The following EBF4 variants were observed in gnomAD, a reference collection of about 807,000 sequenced individuals.
The protein encoded by EBF4 is transcription factor COE4.
A neutral mutation model predicts 67.1 loss-of-function variants in EBF4; 34 were observed. The observed-to-expected ratio is 0.51, with a 90% CI of 0.39 to 0.67. The LOEUF is 0.67. Among genes scored for constraint, EBF4 ranks in the 30% least tolerant of loss-of-function variants. The pLI is 0.00. For synonymous variants in EBF4, 387 were observed against 377.7 expected (o/e 1.02, Z -0.29); for missense variants, 837 against 873.3 (o/e 0.96, Z 0.52).
rs530204810 is a variant in EBF4 at position 2,748,160 on chromosome 20, G to T, written c.558-389G>T. On this transcript the variant is annotated intron_variant, in intron 6 of 16. Transcript: ENST00000609451. ...TATGTGTGCGTACACGCCACATACG[G>T]AGCATATATTGTATGTGTGATGGGT... is the stretch of plus-strand genomic sequence containing the variant. 2.6e-5 allele frequency among the ~76,000 whole-genome samples: 4 copies of T among 152,290 alleles called. No homozygotes were observed. The South Asian group carries it at 8.3e-4, about 32-fold the overall frequency.
exon 9 of EBF4, chr20:2,749,713 G>A (rs1018966660): frequency 6.4e-7 from 1 of 1,554,870 alleles, no homozygotes; most frequent in Non-Finnish European, 8.7e-7. Flanking sequence ...TTCTTCGACG[G>A]GTTGCAGGTC....
intron 1 of EBF4, among the ~76,000 whole-genome samples, chr20:2,701,052 T>C (rs1243361088): frequency 6.6e-6 from 1 of 152,216 alleles, no homozygotes; most frequent in African/African-American, 2.4e-5. Context: ...TCTGCAGTCC[T>C]CCTCTGGTTG....
chr20:2,701,557 G>A (rs918545029), intron 1 of EBF4, among the ~76,000 whole-genome samples: 2 of 152,232 alleles, frequency 1.3e-5, no homozygotes, highest in Non-Finnish European at 1.5e-5. Flanking sequence ...GGAAGCTCAG[G>A]CCAGCATCTG....
intron 15 of EBF4, among the ~76,000 whole-genome samples, chr20:2,758,043 G>A (rs150266252): frequency 2.3e-4 from 35 of 152,360 alleles, no homozygotes; most frequent in Admixed American, 2.1e-3. Context: ...GGATGACAGA[G>A]CGGCTTAAAG....
intron 6 of EBF4, among the ~76,000 whole-genome samples, chr20:2,725,731 A>G (rs1394035882): frequency 1.3e-5 from 2 of 152,306 alleles, no homozygotes; most frequent in Middle Eastern, 3.4e-3. Context: ...GGTGCTACCA[A>G]CCTCAGACTT....
At chr20:2,742,992 T>G (rs949988611) in intron 6 of EBF4, among the ~76,000 whole-genome samples, 1 of 152,250 alleles carries the variant, frequency 6.6e-6, no homozygotes, top group South Asian at 2.1e-4. Flanking sequence ...GCAGTTCCCA[T>G]GTCCACATGT....
chr20:2,703,322 G>C (rs1268281083), intron 1 of EBF4, among the ~76,000 whole-genome samples: 2 of 150,958 alleles, frequency 1.3e-5, no homozygotes, highest in Non-Finnish European at 2.9e-5. Flanking sequence ...TGTAATCCCA[G>C]CTCTTTGGGA....
At chr20:2,726,594 A>C (rs1458489599) in intron 6 of EBF4, among the ~76,000 whole-genome samples, 1 of 150,958 alleles carries the variant, frequency 6.6e-6, no homozygotes, top group Non-Finnish European at 1.5e-5. Flanking sequence ...AAAAAAAAGA[A>C]ATATGATGCT....
intron 1 of EBF4, among the ~76,000 whole-genome samples, chr20:2,701,535 T>C (rs982146089): frequency 6.6e-6 from 1 of 152,200 alleles, no homozygotes; most frequent in East Asian, 1.9e-4. Flanking sequence ...TGGCTGATAT[T>C]TGGGTGGGAC....
intron 6 of EBF4, among the ~76,000 whole-genome samples, chr20:2,721,881 A>G (rs185769371): frequency 5.1e-4 from 78 of 152,212 alleles, no homozygotes; most frequent in African/African-American, 1.9e-3. Context: ...TCTCTTCCTT[A>G]CAGATCTTTT....
At chr20:2,715,474 G>T (rs956861275) in intron 6 of EBF4, among the ~76,000 whole-genome samples, 8 of 152,198 alleles carry the variant, frequency 5.3e-5, no homozygotes, top group Admixed American at 2.6e-4. Context: ...GTTTGTTTAG[G>T]ATATAAACTA....
rs757314344 is a variant in EBF4, at chr20:2,745,729, C to T, written c.558-2820C>T. Reference sequence around the variant, plus strand: ...CCAGAGGCAGGACTAGAAGGTGTCACGGCAGCCGTCAATCGCTACTCTCCC... The same window carrying T: ...CCAGAGGCAGGACTAGAAGGTGTCATGGCAGCCGTCAATCGCTACTCTCCC... On this transcript the variant is annotated intron_variant, in intron 6 of 16. Transcript: ENST00000609451. This position sits in a 1 kb window ranked among gnomAD's most constrained non-coding sequence, Gnocchi z 5.2. Among the ~76,000 whole-genome samples the T allele has an allele frequency of 2.0e-5, 3 of 152,154 alleles. No homozygotes were observed. Among genetic ancestry groups the T allele is most frequent in the South Asian group, 2.1e-4 (1 of 4,824 alleles).
rs934395271 is a variant in EBF4, at chr20:2,745,670, C to T, written c.558-2879C>T. ...AAGGGCCAGTGAGGGAGCAGGAAAC[C>T]ACAGCCTTGGGGAGGGCAGAAGTAA... On this transcript the variant is annotated intron_variant, in intron 6 of 16. Coordinates refer to ENST00000609451, the Ensembl canonical transcript of EBF4. This position sits in a 1 kb window ranked among gnomAD's most constrained non-coding sequence, Gnocchi z 5.2. 6.6e-6 allele frequency among the ~76,000 whole-genome samples: 1 copy of T among 152,172 alleles called. No individual in the cohort carries two copies. Among genetic ancestry groups the T allele is most frequent in the African/African-American group, 2.4e-5 (1 of 41,434 alleles).
intron 6 of EBF4, among the ~76,000 whole-genome samples, chr20:2,717,793 A>G (rs927428868): frequency 6.6e-6 from 1 of 151,044 alleles, no homozygotes; most frequent in Non-Finnish European, 1.5e-5. Flanking sequence ...CTTTGAATAT[A>G]CGCAGTGGTA....
upstream of EBF4, chr20:2,693,105 C>T (rs2087232495): frequency 6.2e-6 from 1 of 160,714 alleles, no homozygotes. This position sits in a 1 kb window ranked among gnomAD's most constrained non-coding sequence, Gnocchi z 4.6. Context: ...CCACTGTCGC[C>T]GCCGCCGCCG....
intron 6 of EBF4, among the ~76,000 whole-genome samples, chr20:2,727,162 A>G (rs1018264955): frequency 6.6e-6 from 1 of 151,976 alleles, no homozygotes; most frequent in Admixed American, 6.6e-5. Context: ...ACCTTTTATT[A>G]TATATTATAT....
At chr20:2,698,548 A>G (rs2087329363) in intron 1 of EBF4, among the ~76,000 whole-genome samples, 1 of 152,052 alleles carries the variant, frequency 6.6e-6, no homozygotes, top group Admixed American at 6.5e-5. Flanking sequence ...GCAGGGGCCA[A>G]TGGGATGCTT....
At chr20:2,721,674 C>T (rs1040467368) in intron 6 of EBF4, among the ~76,000 whole-genome samples, 4 of 152,094 alleles carry the variant, frequency 2.6e-5, no homozygotes, top group Non-Finnish European at 5.9e-5. Flanking sequence ...AGGCTGGTCT[C>T]GAAATCCTGA....
chr20:2,759,113 C>G (rs888866085), intron 16 of EBF4, 129 bp downstream of exon 16: 1 of 906,884 alleles, frequency 1.1e-6, no homozygotes, highest in African/African-American at 1.7e-5. Context: ...AGCTGGGGTC[C>G]AAGTCTTCCT....
Sources: allele counts gnomAD v4.1 joint callset (sites outside exome capture counted in the v4.1 genomes callset), GRCh38; gene constraint gnomAD v4.1.1; non-coding constraint Gnocchi (gnomAD v3.1); transcripts MANE v1.5; gene names NCBI Gene and HGNC (gene_info 2026-07-23, HGNC 2026-07-21).